POLR3B: variants seen among roughly 807,000 people sequenced by gnomAD.
POLR3B encodes DNA-directed RNA polymerase III subunit RPC2.
In POLR3B, 96 loss-of-function variants were observed where a neutral mutation model predicts 147.4. The ratio of observed to expected loss-of-function variants is 0.65; its 90% CI spans 0.55 to 0.77. POLR3B has a LOEUF of 0.77. Ranked by LOEUF, POLR3B falls within the 30% of genes least tolerant of loss-of-function variation. The pLI is 0.00. For missense variants in POLR3B, 1,036 were observed against 1,413.5 expected, an observed-to-expected ratio of 0.73 and a Z score of 4.28; for synonymous variants, 461 against 485.9, an observed-to-expected ratio of 0.95 and a Z score of 0.67.
At chr12:106,377,201 C>G (rs2036693776) in intron 7 of POLR3B, among the ~76,000 whole-genome samples, 1 of 152,106 alleles carries the variant, frequency 6.6e-6, no homozygotes, top group Non-Finnish European at 1.5e-5. Flanking sequence ...GTACCTATTT[C>G]TAGGCAATTT....
At chr12:106,490,408 C>T (rs993409784) in intron 23 of POLR3B, among the ~76,000 whole-genome samples, 2 of 152,132 alleles carry the variant, frequency 1.3e-5, no homozygotes, top group African/African-American at 4.8e-5. Context: ...ATGGGAAAGC[C>T]GTGTAAAAAC....
At chr12:106,495,601 CA>C (rs2038466985) in intron 23 of POLR3B, among the ~76,000 whole-genome samples, 1 of 152,230 alleles carries the variant, frequency 6.6e-6, no homozygotes, top group Non-Finnish European at 1.5e-5. Context: ...ATTGTAAGCA[CA>C]CTCCTCATCC....
intron 10 of POLR3B, among the ~76,000 whole-genome samples, chr12:106,404,075 G>A (rs2037114006): frequency 6.7e-6 from 1 of 149,314 alleles, no homozygotes; most frequent in Non-Finnish European, 1.5e-5. Flanking sequence ...CACCAGCTGT[G>A]TATGAGAGTT....
chr12:106,370,179 A>G (rs1414197134), intron 6 of POLR3B, among the ~76,000 whole-genome samples: 1 of 152,168 alleles, frequency 6.6e-6, no homozygotes, highest in African/African-American at 2.4e-5. Context: ...AACCCACAAT[A>G]TTGTGTGGTC....
At chr12:106,395,153 G>A (rs1280056755) in intron 10 of POLR3B, among the ~76,000 whole-genome samples, 4 of 152,026 alleles carry the variant, frequency 2.6e-5, no homozygotes, top group African/African-American at 4.8e-5. Flanking sequence ...GATCACTTGA[G>A]CCTGAGAGGT....
At chr12:106,362,224 A>G (rs2036480578) in intron 1 of POLR3B, among the ~76,000 whole-genome samples, 1 of 152,120 alleles carries the variant, frequency 6.6e-6, no homozygotes, top group Non-Finnish European at 1.5e-5. Flanking sequence ...GGTTGGCAGG[A>G]TTGTGTCTGT....
intron 9 of POLR3B, among the ~76,000 whole-genome samples, chr12:106,390,783 C>T (rs992310979): frequency 1.7e-4 from 25 of 151,072 alleles, no homozygotes; most frequent in Non-Finnish European, 2.4e-4. Context: ...TATTAGTTAT[C>T]TGTGCTGTGT....
intron 9 of POLR3B, among the ~76,000 whole-genome samples, chr12:106,391,327 G>A (rs554528827): frequency 6.6e-6 from 1 of 152,242 alleles, no homozygotes; most frequent in East Asian, 1.9e-4. Context: ...TTTATGACCA[G>A]TCCTTCAAAG....
intron 13 of POLR3B, among the ~76,000 whole-genome samples, chr12:106,427,675 AT>A (rs2037456712): frequency 6.6e-6 from 1 of 152,186 alleles, no homozygotes; most frequent in Admixed American, 6.5e-5. Flanking sequence ...AAATTGACGC[AT>A]TTCAGGCAGG....
chr12:106,390,880 G>A (rs2036904844), intron 9 of POLR3B, among the ~76,000 whole-genome samples: 1 of 152,100 alleles, frequency 6.6e-6, no homozygotes, highest in Non-Finnish European at 1.5e-5. Context: ...CATGTGCCAG[G>A]ATGTCAGCCA....
intron 23 of POLR3B, among the ~76,000 whole-genome samples, chr12:106,465,453 C>G (rs1807699123): frequency 6.8e-6 from 1 of 146,020 alleles, no homozygotes; most frequent in African/African-American, 2.7e-5. Context: ...ATGCAATGTG[C>G]TCTAATTCCA....
chr12:106,424,771 CAAAT>C (rs1337900172), intron 12 of POLR3B, among the ~76,000 whole-genome samples: 1 of 152,146 alleles, frequency 6.6e-6, no homozygotes, highest in African/African-American at 2.4e-5. Flanking sequence ...TCCATTTTCA[CAAAT>C]AAATAAATAA....
chr12:106,483,983 C>G (rs767008577), intron 23 of POLR3B, among the ~76,000 whole-genome samples: 8 of 152,150 alleles, frequency 5.3e-5, no homozygotes, highest in Non-Finnish European at 1.0e-4. Context: ...CTCCTTGATA[C>G]TAATGTGTAA....
At chr12:106,490,975 C>G (rs2038400381) in intron 23 of POLR3B, among the ~76,000 whole-genome samples, 2 of 152,164 alleles carry the variant, frequency 1.3e-5, no homozygotes, top group South Asian at 4.1e-4. Context: ...ATGACCTGCA[C>G]AACCCAGGAA....
intron 10 of POLR3B, among the ~76,000 whole-genome samples, chr12:106,400,914 A>T (rs1298957253): frequency 6.6e-6 from 1 of 152,258 alleles, no homozygotes. Flanking sequence ...CAATTAAAAG[A>T]ACTAGAAAAG....
At chr12:106,427,126 C>A in intron 12 of POLR3B, 71 bp from the exon 13 acceptor site, 1 of 1,018,046 alleles carries the variant, frequency 9.8e-7, no homozygotes, top group Non-Finnish European at 1.4e-6. Flanking sequence ...AATCTTAAGA[C>A]CTAAAATTTA....
At chr12:106,396,076 A>G (rs943425202) in intron 10 of POLR3B, among the ~76,000 whole-genome samples, 3 of 152,116 alleles carry the variant, frequency 2.0e-5, no homozygotes, top group East Asian at 1.9e-4. Context: ...GCTCTAGTAT[A>G]TAGAGAAGAA....
chr12:106,401,192 ACATGT>A (rs1304055921), intron 10 of POLR3B, among the ~76,000 whole-genome samples: 2 of 152,232 alleles, frequency 1.3e-5, no homozygotes, highest in Non-Finnish European at 2.9e-5. Flanking sequence ...AATACTATAA[ACATGT>A]CTATGCAAAT....
rs144161033 is a variant in POLR3B at position 106,444,465 on chromosome 12, A to T, written c.1958A>T (p.Asp653Val). Residue 653 changes from aspartate to valine, a missense_variant and splice_region_variant, in exon 19 of 28, where the codon GAC (aspartate) becomes GTC (valine). Asp to Val is a radical substitution (Grantham distance 152, BLOSUM62 -3). Coordinates refer to ENST00000228347, the MANE Select transcript of POLR3B (RefSeq NM_018082.6). ...IALYEHTINK[D>V]TTHLEIEPFT... ...GTGATTTTTACTTAACTTGTTAGAGACACCACCCACTTGGAGATTGAACCC... is the reference window on the plus strand; with the variant it reads ...GTGATTTTTACTTAACTTGTTAGAGTCACCACCCACTTGGAGATTGAACCC... The T allele has an allele frequency of 5.3e-3, 8,569 of 1,613,678 alleles. 56 individuals are homozygous for T. Among genetic ancestry groups the T allele is most frequent in the Non-Finnish European group, 4.9e-3 (5,793 of 1,179,850 alleles).
Sources: gnomAD v4.1 joint callset for allele counts (sites outside exome capture counted in the v4.1 genomes callset) on GRCh38, gnomAD v4.1.1 for gene constraint, MANE v1.5 for transcripts, NCBI Gene and HGNC (gene_info 2026-07-23, HGNC 2026-07-21) for gene names.